The following MTUS2 variants were observed in gnomAD, a reference collection of about 807,000 sequenced individuals.
MTUS2 encodes the protein microtubule associated scaffold protein 2, also known as microtubule-associated tumor suppressor candidate 2.
MTUS2 carries 40 observed loss-of-function variants against 114.1 expected under a neutral mutation model. The observed-to-expected ratio is 0.35, with a 90% CI of 0.27 to 0.46. MTUS2 has a LOEUF of 0.46. Among genes scored for constraint, MTUS2 ranks in the 20% least tolerant of loss-of-function variants. The pLI, the probability that MTUS2 is intolerant of heterozygous loss-of-function variation, is 1.00. For synonymous variants in MTUS2, 688 were observed against 672.0 expected (o/e 1.02, Z -0.37); for missense variants, 1,679 against 1,705.4 (o/e 0.98, Z 0.27).
chr13:29,196,885 A>G (rs187840244), intron 5 of MTUS2, among the ~76,000 whole-genome samples: 4 of 152,238 alleles, frequency 2.6e-5, no homozygotes, highest in South Asian at 2.1e-4. Context: ...CATCTTGGCT[A>G]TTTCGAATAA....
intron 4 of MTUS2, among the ~76,000 whole-genome samples, chr13:29,074,136 G>T (rs1342021943): frequency 6.6e-6 from 1 of 152,036 alleles, no homozygotes; most frequent in Non-Finnish European, 1.5e-5. Context: ...AAAATTCTTT[G>T]TTGGCTCCAC....
intron 2 of MTUS2, among the ~76,000 whole-genome samples, chr13:28,845,734 C>T (rs1875833204): frequency 6.6e-6 from 1 of 151,608 alleles, no homozygotes; most frequent in Non-Finnish European, 1.5e-5. Context: ...CATCAGATAG[C>T]CACAAAGAAG....
At chr13:29,032,680 A>G (rs1445889782) in intron 3 of MTUS2, among the ~76,000 whole-genome samples, 1 of 152,214 alleles carries the variant, frequency 6.6e-6, no homozygotes, top group Non-Finnish European at 1.5e-5. Flanking sequence ...TACAATGTCA[A>G]TTTGAAGGAG....
intron 11 of MTUS2, among the ~76,000 whole-genome samples, chr13:29,491,669 C>T (rs1359918165): frequency 5.4e-5 from 6 of 111,246 alleles, no homozygotes; most frequent in Non-Finnish European, 9.1e-5. Flanking sequence ...AGTGTGTATG[C>T]GATTGTGTGT....
At chr13:28,969,795 GC>G (rs61547523) in intron 2 of MTUS2, among the ~76,000 whole-genome samples, 27,671 of 150,980 alleles carry the variant, frequency 0.18, 2,960 homozygotes, top group East Asian at 0.47. Flanking sequence ...GAGCCACTGC[GC>G]CCGGCTGAAG....
chr13:28,912,311 A>T (rs1880487589), intron 2 of MTUS2, among the ~76,000 whole-genome samples: 1 of 152,222 alleles, frequency 6.6e-6, no homozygotes, highest in African/African-American at 2.4e-5. Context: ...GTCGAAGATC[A>T]GATGGCTGTA....
chr13:29,460,454 TCTC>T (rs151309021), intron 9 of MTUS2, among the ~76,000 whole-genome samples: 6,798 of 152,234 alleles, frequency 0.045, 192 homozygotes, highest in Middle Eastern at 0.065. Context: ...TTTTCAGCTC[TCTC>T]CTCCTGACAG....
At position 29,292,107 on chromosome 13, in the gene MTUS2, T is replaced by G. The variant is rs576443250; in HGVS notation, c.2806+10242T>G. ...GTAGTTAAATCCCAAATAATTGGAT[T>G]TCTTGGGACTGTGAGGTGTTTGAGT... is the stretch of plus-strand genomic sequence containing the variant. On this transcript the variant is annotated intron_variant, in intron 6 of 15. Coordinates refer to ENST00000612955, the MANE Select transcript of MTUS2 (RefSeq NM_001033602.4). Among the ~76,000 whole-genome samples, 6 of 152,300 alleles carry G rather than the reference T, an allele frequency of 3.9e-5. No individual in the cohort carries two copies. In the South Asian group the frequency reaches 1.2e-3, roughly 32 times the overall value.
chr13:29,015,853 A>C (rs28434554), intron 2 of MTUS2, among the ~76,000 whole-genome samples: 1 of 152,158 alleles, frequency 6.6e-6, no homozygotes, highest in African/African-American at 2.4e-5. Context: ...AAACAAAAAA[A>C]CAAAAATACT....
chr13:28,970,285 A>T (rs1883793581), intron 2 of MTUS2, among the ~76,000 whole-genome samples: 1 of 152,228 alleles, frequency 6.6e-6, no homozygotes, highest in African/African-American at 2.4e-5. Context: ...ATGTAGAATA[A>T]TATAAATTTT....
At chr13:29,148,928 G>T (rs1892556769) in intron 5 of MTUS2, among the ~76,000 whole-genome samples, 1 of 152,038 alleles carries the variant, frequency 6.6e-6, no homozygotes, top group Admixed American at 6.5e-5. Context: ...TATCTAGTCT[G>T]TCATTGATAA....
Position 28,985,836 on chromosome 13 carries a change from C to T in MTUS2, c.-242-38621C>T, listed in dbSNP as rs1039624617. 2.6e-5 allele frequency among the ~76,000 whole-genome samples: 4 copies of T among 152,092 alleles called. No homozygotes were observed. The South Asian group carries it at 8.3e-4, about 31-fold the overall frequency. On this transcript the variant is annotated intron_variant, in intron 2 of 15. Coordinates refer to ENST00000612955, the MANE Select transcript of MTUS2 (RefSeq NM_001033602.4). Reference sequence around the variant, plus strand: ...CCAATCAGTTTTAGGCCTGGATAGCCCTCTCCTGAGCAAGAGGGAAGTCTG... The same window carrying T: ...CCAATCAGTTTTAGGCCTGGATAGCTCTCTCCTGAGCAAGAGGGAAGTCTG...
chr13:29,429,034 G>C, intron 8 of MTUS2: 1 of 806,532 alleles, frequency 1.2e-6, no homozygotes, highest in East Asian at 2.6e-5. Context: ...CCCTTTACTC[G>C]TTCCAATGTG....
At chr13:29,501,216 T>C in intron 15 of MTUS2, 22 bp downstream of exon 15, 2 of 1,579,668 alleles carry the variant, frequency 1.3e-6, no homozygotes, top group Non-Finnish European at 1.7e-6. Context: ...GGGTGTCACC[T>C]ACAAAGTGAC....
intron 5 of MTUS2, among the ~76,000 whole-genome samples, chr13:29,252,578 T>C (rs962428633): frequency 2.6e-5 from 4 of 152,160 alleles, no homozygotes; most frequent in African/African-American, 9.7e-5. Context: ...AGCAGTGATA[T>C]GGTTTGGCTG....
chr13:29,269,468 G>A (rs1897793141), intron 5 of MTUS2, among the ~76,000 whole-genome samples: 1 of 152,192 alleles, frequency 6.6e-6, no homozygotes, highest in African/African-American at 2.4e-5. Context: ...CGAAGCCAGA[G>A]TTAACATCAG....
Position 29,210,089 on chromosome 13 carries a change from T to G in MTUS2, c.2645-71615T>G, listed in dbSNP as rs1895361248. Among the ~76,000 whole-genome samples the G allele has an allele frequency of 5.3e-5, 8 of 152,300 alleles. No individual in the cohort carries two copies. In the South Asian group the frequency reaches 1.7e-3, roughly 32 times the overall value. ...TCTTAGGTTTGGTCATTAAACATAA[T>G]CCCAAACTTCCTGGAGGCTTTGTTC... is the stretch of plus-strand genomic sequence containing the variant. On this transcript the variant is annotated intron_variant, in intron 5 of 15. Transcript: ENST00000612955.
intron 5 of MTUS2, among the ~76,000 whole-genome samples, chr13:29,120,604 T>C (rs1891268679): frequency 6.6e-6 from 1 of 152,172 alleles, no homozygotes; most frequent in African/African-American, 2.4e-5. Context: ...TTTGGAAATA[T>C]ATCGCCACTT....
At chr13:29,149,451 AT>A (rs1296073816) in intron 5 of MTUS2, among the ~76,000 whole-genome samples, 14 of 152,030 alleles carry the variant, frequency 9.2e-5, no homozygotes, top group African/African-American at 3.1e-4. Flanking sequence ...TAGATTACAC[AT>A]TTTTTCTCCC....
Sources: allele counts gnomAD v4.1 joint callset (sites outside exome capture counted in the v4.1 genomes callset), GRCh38; gene constraint gnomAD v4.1.1; transcripts MANE v1.5; gene names NCBI Gene and HGNC (gene_info 2026-07-23, HGNC 2026-07-21).